FTCDNL1: variants seen among roughly 807,000 people sequenced by gnomAD.
The protein encoded by FTCDNL1 is formiminotransferase cyclodeaminase N-terminal like, also known as formiminotransferase N-terminal subdomain-containing protein.
In FTCDNL1, 11 loss-of-function variants were observed where a neutral mutation model predicts 5.9. That is an observed-to-expected ratio of 1.87 (90% CI 1.18 to 3.10). The LOEUF is 3.10. Among genes scored for constraint, FTCDNL1 ranks in the 30% most tolerant of loss-of-function variants. The pLI is 0.00. For synonymous variants in FTCDNL1, 58 were observed against 24.8 expected, an observed-to-expected ratio of 2.34 and a Z score of -3.99; for missense variants, 115 against 65.5, an observed-to-expected ratio of 1.76 and a Z score of -2.61.
chr2:199,666,704 C>T, the FTCDNL1 span, among the ~76,000 whole-genome samples: 13 of 152,158 alleles, frequency 8.5e-5, no homozygotes, highest in Admixed American at 7.8e-4. Context: ...ATCACAAGGT[C>T]AGGAGTTCGA....
the FTCDNL1 span, among the ~76,000 whole-genome samples, chr2:199,665,442 G>A: frequency 6.6e-6 from 1 of 151,990 alleles, no homozygotes; most frequent in South Asian, 2.1e-4. Flanking sequence ...GACCAGCCTG[G>A]CCAATGTGGT....
chr2:199,706,599 C>T, the FTCDNL1 span, among the ~76,000 whole-genome samples: 8 of 152,142 alleles, frequency 5.3e-5, no homozygotes, highest in South Asian at 4.1e-4. Context: ...TTATCCTAGA[C>T]GTCTTATCTT....
chr2:199,781,294 T>C (rs79662034), intron 3 of FTCDNL1, among the ~76,000 whole-genome samples: 7,998 of 152,254 alleles, frequency 0.053, 478 homozygotes, highest in Admixed American at 0.13. Flanking sequence ...CACCAAAATA[T>C]GAAGCAGCTC....
intron 3 of FTCDNL1, among the ~76,000 whole-genome samples, chr2:199,774,382 G>T (rs1233042432): frequency 6.6e-6 from 1 of 152,054 alleles, no homozygotes; most frequent in African/African-American, 2.4e-5. Context: ...TTATTATATT[G>T]TCCCTTTCCT....
the FTCDNL1 span, among the ~76,000 whole-genome samples, chr2:199,699,423 C>A: frequency 1.3e-5 from 2 of 151,964 alleles, no homozygotes; most frequent in African/African-American, 4.8e-5. Flanking sequence ...CACTGCACTC[C>A]AGCGTGGGTG....
chr2:199,842,753 T>C (rs1273207592), intron 3 of FTCDNL1, among the ~76,000 whole-genome samples: 5 of 152,186 alleles, frequency 3.3e-5, no homozygotes, highest in African/African-American at 9.7e-5. Context: ...GTATCAACTC[T>C]TTTATGTCAC....
At chr2:199,819,379 C>A in intron 4 of FTCDNL1, 193 bp downstream of exon 4, 4 of 579,660 alleles carry the variant, frequency 6.9e-6, no homozygotes, top group African/African-American at 5.6e-5. Flanking sequence ...AAATACTTGA[C>A]GGGAGCTTCT....
At chr2:199,831,662 G>C (rs1702379845) in intron 3 of FTCDNL1, among the ~76,000 whole-genome samples, 1 of 152,082 alleles carries the variant, frequency 6.6e-6, no homozygotes, top group African/African-American at 2.4e-5. Context: ...TCTGGATTTG[G>C]GGCATGCTAT....
chr2:199,701,896 G>A, the FTCDNL1 span, among the ~76,000 whole-genome samples: 32 of 152,162 alleles, frequency 2.1e-4, no homozygotes, highest in Non-Finnish European at 3.7e-4. Flanking sequence ...TTAGCCTGGC[G>A]TGATGGTGCA....
intron 3 of FTCDNL1, among the ~76,000 whole-genome samples, chr2:199,828,085 T>C (rs955944868): frequency 1.2e-4 from 19 of 152,184 alleles, no homozygotes; most frequent in African/African-American, 4.6e-4. Context: ...GTGTTTCTAA[T>C]GACTGCAATC....
chr2:199,844,316 C>T, intron 3 of FTCDNL1: 1 of 454,754 alleles, frequency 2.2e-6, no homozygotes, highest in Non-Finnish European at 4.0e-6. Flanking sequence ...TTCTCACAAG[C>T]TATTTCAGTT....
chr2:199,693,121 C>T, the FTCDNL1 span, among the ~76,000 whole-genome samples: 3 of 152,302 alleles, frequency 2.0e-5, no homozygotes, highest in East Asian at 3.9e-4. Context: ...TTGTACAGTA[C>T]ATTCTGTTTT....
At chr2:199,815,152 T>C (rs977228928) in intron 4 of FTCDNL1, among the ~76,000 whole-genome samples, 3 of 152,220 alleles carry the variant, frequency 2.0e-5, no homozygotes, top group African/African-American at 7.2e-5. Flanking sequence ...TATTTATAGA[T>C]CTAAAAGTAT....
chr2:199,727,184 C>T, the FTCDNL1 span, among the ~76,000 whole-genome samples: 1 of 152,234 alleles, frequency 6.6e-6, no homozygotes. Context: ...AGTCTGGTCA[C>T]AATCTGCCAC....
At chr2:199,824,671 T>C (rs1411416741) in intron 3 of FTCDNL1, among the ~76,000 whole-genome samples, 2 of 152,206 alleles carry the variant, frequency 1.3e-5, no homozygotes, top group African/African-American at 4.8e-5. Flanking sequence ...ATTGGCCTAA[T>C]TTCAATACTG....
At chr2:199,702,416 C>T in the FTCDNL1 span, among the ~76,000 whole-genome samples, 126 of 152,238 alleles carry the variant, frequency 8.3e-4, no homozygotes, top group Non-Finnish European at 1.7e-3. Context: ...ACTCTTGCGA[C>T]CTTTGTAGGA....
At chr2:199,723,845 C>CT in the FTCDNL1 span, among the ~76,000 whole-genome samples, 15 of 151,964 alleles carry the variant, frequency 9.9e-5, no homozygotes, top group African/African-American at 3.1e-4. Context: ...GTGAAGTTTT[C>CT]TTTTTTTTGT....
chr2:199,795,667 T>C lies in FTCDNL1; in HGVS notation c.212-34832A>G, dbSNP rs997241374. 2.0e-5 allele frequency among the ~76,000 whole-genome samples: 3 copies of C among 152,298 alleles called. No individual in the cohort carries two copies. In the Middle Eastern group the frequency reaches 0.01, roughly 518 times the overall value. Reference sequence around the variant, plus strand: ...AATTTTCTCAAAATAATAAACTGTTTCCTGCCAGGCAGTGATCTGGAAACA... The same window carrying C: ...AATTTTCTCAAAATAATAAACTGTTCCCTGCCAGGCAGTGATCTGGAAACA... On this transcript the variant is annotated intron_variant, in intron 3 of 3. Coordinates refer to the FTCDNL1 transcript ENST00000416668.
chr2:199,767,868 A>T (rs1246376507), intron 3 of FTCDNL1, among the ~76,000 whole-genome samples: 1 of 152,260 alleles, frequency 6.6e-6, no homozygotes, highest in East Asian at 1.9e-4. Context: ...TTGCAATAGC[A>T]ACAGGAATAG....
Sources: gnomAD v4.1 joint callset for allele counts (sites outside exome capture counted in the v4.1 genomes callset) on GRCh38, gnomAD v4.1.1 for gene constraint, MANE v1.5 for transcripts, NCBI Gene and HGNC (gene_info 2026-07-23, HGNC 2026-07-21) for gene names.